The following CEP95 variants were observed in gnomAD, a reference collection of about 807,000 sequenced individuals.
CEP95 encodes the protein centrosomal protein 95.
In CEP95, 98 loss-of-function variants were observed where a neutral mutation model predicts 111.2. The ratio of observed to expected loss-of-function variants is 0.88; its 90% CI spans 0.75 to 1.04. The LOEUF (loss-of-function observed/expected upper bound fraction) is 1.04, where lower values mean the gene tolerates loss of function less well. Among genes scored for constraint, CEP95 ranks in the 50% least tolerant of loss-of-function variants. The pLI is 0.00. For synonymous variants in CEP95, 323 were observed against 327.1 expected (o/e 0.99, Z 0.14); for missense variants, 1,027 against 977.2 (o/e 1.05, Z -0.68).
intron 6 of CEP95, chr17:64,520,505 G>C (rs980308743): frequency 6.6e-6 from 1 of 151,352 alleles, no homozygotes; most frequent in Non-Finnish European, 1.5e-5. Context: ...TGTCACCCAG[G>C]GTGGAGTGCG....
chr17:64,508,299 G>T, intron 1 of CEP95: 4 of 991,548 alleles, frequency 4.0e-6, no homozygotes, highest in Non-Finnish European at 4.8e-6. Context: ...CCCATGTAAG[G>T]CTTATATAAG....
At chr17:64,510,590 C>G (rs1364825101) in intron 3 of CEP95, among the ~76,000 whole-genome samples, 1 of 152,164 alleles carries the variant, frequency 6.6e-6, no homozygotes, top group Non-Finnish European at 1.5e-5. Flanking sequence ...GTCTCTGTTG[C>G]CCAGGCTGGA....
intron 16 of CEP95, chr17:64,533,994 A>G (rs1319702966): frequency 6.6e-6 from 1 of 152,474 alleles, no homozygotes; most frequent in East Asian, 1.9e-4. Context: ...CAATCTGCCA[A>G]AGGGAGAGAT....
chr17:64,507,214 G>A, intron 1 of CEP95, 98 bp downstream of exon 1: 3 of 1,532,392 alleles, frequency 2.0e-6, no homozygotes, highest in South Asian at 2.4e-5. Flanking sequence ...CTGTCGGCGG[G>A]GCTCGTGACC....
At chr17:64,537,485 T>C in intron 19 of CEP95, 118 bp from the exon 20 acceptor site, 1 of 1,427,770 alleles carries the variant, frequency 7.0e-7, no homozygotes, top group Non-Finnish European at 9.2e-7. Flanking sequence ...AGAGCTGCTG[T>C]TGCTAGATTA....
At position 64,537,702 on chromosome 17, in the gene CEP95, C is replaced by T. The variant is rs201451985; in HGVS notation, c.2389C>T (p.Arg797Trp). Residue 797 changes from arginine (R) to tryptophan (W), a missense_variant, in exon 20 of 20, where the codon CGG becomes TGG. Coordinates refer to ENST00000556440, the MANE Select transcript of CEP95 (RefSeq NM_138363.3). ...ACAGAATGATGATGATGTTTTCTTC[C>T]GGGAACTGGAAGCTGAGCGCTTCAG... ...ITQNDDDVFFRELEAERFRSR... is the reference protein window; with the variant it reads ...ITQNDDDVFFWELEAERFRSR... 3.7e-5 allele frequency: 60 copies of T among 1,612,918 alleles called. No homozygotes were observed. Among genetic ancestry groups the T allele is most frequent in the African/African-American group, 2.5e-4 (19 of 75,000 alleles).
Position 64,536,657 on chromosome 17 carries a change from AC to A in CEP95, c.2128del (p.Leu710Ter). 6.2e-7 allele frequency: 1 copy of A among 1,612,182 alleles called. No homozygotes were observed. The highest frequency in any genetic ancestry group is 8.5e-7 in the Non-Finnish European group (1 of 1,179,038). On this transcript the variant is annotated frameshift_variant, in exon 18 of 20. Transcript: ENST00000556440. LOFTEE classifies it high-confidence loss of function. ...GLNIQKQRLR[D>X]LRNYAKEKRD... ...AACATTCAAAAGCAAAGATTACGAG[AC>A]CTAAGAAACTATGCCAAAGAAAAGC...
chr17:64,506,900 C>G, upstream of CEP95: 1 of 671,628 alleles, frequency 1.5e-6, no homozygotes, highest in Non-Finnish European at 2.7e-6. Flanking sequence ...GTTTCACGTC[C>G]TGTGAAAGGA....
chr17:64,536,767 C>G lies in CEP95; in HGVS notation c.2217+19C>G, dbSNP rs373509171. On this transcript the variant is annotated intron_variant, in intron 18 of 19. Coordinates refer to ENST00000556440, the MANE Select transcript of CEP95 (RefSeq NM_138363.3). ...GGACCAGGTGGGCTCCTGGCACTTGCTTACGCTGTTGTGCTTAGTCCTGAC... is the reference window on the plus strand; with the variant it reads ...GGACCAGGTGGGCTCCTGGCACTTGGTTACGCTGTTGTGCTTAGTCCTGAC... 107 of 1,588,946 alleles carry G rather than the reference C, an allele frequency of 6.7e-5. No individual in the cohort carries two copies. The highest frequency in any genetic ancestry group is 3.4e-4 in the Middle Eastern group (2 of 5,910).
intron 17 of CEP95, chr17:64,535,778 T>C (rs1555681405): frequency 6.6e-6 from 1 of 152,190 alleles, no homozygotes; most frequent in Non-Finnish European, 1.5e-5. Flanking sequence ...TTCATAGCAT[T>C]ACTTATAATA....
chr17:64,519,277 C>T, intron 5 of CEP95, 44 bp from the exon 6 acceptor site: 4 of 1,388,154 alleles, frequency 2.9e-6, no homozygotes, highest in Non-Finnish European at 4.1e-6. Flanking sequence ...GGGAAGGGCC[C>T]TCTGGTCAGG....
chr17:64,515,657 G>A (rs536605858), intron 4 of CEP95: 1 of 152,154 alleles, frequency 6.6e-6, no homozygotes, highest in East Asian at 1.9e-4. Flanking sequence ...GCTCAGATAG[G>A]CTTCCCTATA....
At chr17:64,525,712 A>G in intron 8 of CEP95, 58 bp from the exon 9 acceptor site, 1 of 1,132,812 alleles carries the variant, frequency 8.8e-7, no homozygotes, top group South Asian at 1.4e-5. Context: ...CACTCCCAGA[A>G]AGTTCATGTT....
At chr17:64,518,408 A>G (rs1456416612) in intron 5 of CEP95, among the ~76,000 whole-genome samples, 2 of 152,210 alleles carry the variant, frequency 1.3e-5, no homozygotes, top group Admixed American at 1.3e-4. Flanking sequence ...CTGTTTTCCA[A>G]AAAGGCCATG....
At chr17:64,532,551 T>C in intron 14 of CEP95, 1 of 1,163,260 alleles carries the variant, frequency 8.6e-7, no homozygotes, top group Non-Finnish European at 1.1e-6. Flanking sequence ...AGTCTTGTTT[T>C]ACCGTACGTA....
chr17:64,537,125 A>C lies in CEP95; in HGVS notation c.2289+13A>C, dbSNP rs1555681748. Reference sequence around the variant, plus strand: ...ATCTCAGGCCCAGGTAATAATTAAGATAGAAGCCAAGTCATGCACTGCATG... The same window carrying C: ...ATCTCAGGCCCAGGTAATAATTAAGCTAGAAGCCAAGTCATGCACTGCATG... On this transcript the variant is annotated intron_variant, in intron 19 of 19. Coordinates refer to ENST00000556440, the MANE Select transcript of CEP95 (RefSeq NM_138363.3). 5 of 1,609,126 alleles carry C rather than the reference A, an allele frequency of 3.1e-6. No homozygotes were observed. The highest frequency in any genetic ancestry group is 4.2e-6 in the Non-Finnish European group (5 of 1,177,684).
At chr17:64,521,678 T>C (rs904319625) in intron 7 of CEP95, among the ~76,000 whole-genome samples, 151 bp downstream of exon 7, 16 of 152,202 alleles carry the variant, frequency 1.1e-4, no homozygotes, top group African/African-American at 3.9e-4. Context: ...TTAATTATGG[T>C]ATCTGAATTC....
intron 1 of CEP95, chr17:64,508,292 A>G (rs1157454701): frequency 5.1e-5 from 50 of 989,380 alleles, no homozygotes; most frequent in Non-Finnish European, 5.9e-5. Context: ...AAAAACACCC[A>G]TGTAAGGCTT....
At chr17:64,534,844 AAACTG>A in intron 17 of CEP95, 107 bp downstream of exon 17, 2 of 1,327,258 alleles carry the variant, frequency 1.5e-6, no homozygotes, top group Non-Finnish European at 2.1e-6. Context: ...TCCAAAATCT[AAACTG>A]AAGTCCTATA....
Sources: allele counts gnomAD v4.1 joint callset (sites outside exome capture counted in the v4.1 genomes callset), GRCh38; gene constraint gnomAD v4.1.1; transcripts MANE v1.5; gene names NCBI Gene and HGNC (gene_info 2026-07-23, HGNC 2026-07-21).